Variants in PTPN3 observed in about 807,000 individuals in gnomAD.
PTPN3 encodes protein tyrosine phosphatase non-receptor type 3, also known as tyrosine-protein phosphatase non-receptor type 3.
A neutral mutation model predicts 132.7 loss-of-function variants in PTPN3; 96 were observed. That is an observed-to-expected ratio of 0.72 (90% CI 0.61 to 0.86). The LOEUF (loss-of-function observed/expected upper bound fraction) is 0.86. Ranked by LOEUF, PTPN3 falls within the 40% of genes least tolerant of loss-of-function variation. PTPN3 has a pLI of 0.00. For missense variants in PTPN3, 1,125 were observed against 1,159.6 expected (o/e 0.97, Z 0.43); for synonymous variants, 398 against 429.0 (o/e 0.93, Z 0.89).
intron 1 of PTPN3, among the ~76,000 whole-genome samples, chr9:109,465,145 C>G (rs1846033134): frequency 6.6e-6 from 1 of 152,108 alleles, no homozygotes; most frequent in African/African-American, 2.4e-5. Flanking sequence ...AAAATCTGAC[C>G]ATGATATTAG....
At chr9:109,468,536 T>C (rs370433603) in intron 1 of PTPN3, among the ~76,000 whole-genome samples, 98 of 152,020 alleles carry the variant, frequency 6.4e-4, no homozygotes, top group African/African-American at 2.1e-3. Context: ...CCGGCTAATT[T>C]TTTGTATTTT....
intron 4 of PTPN3, among the ~76,000 whole-genome samples, chr9:109,455,010 T>C (rs1451784451): frequency 6.6e-6 from 1 of 152,246 alleles, no homozygotes; most frequent in African/African-American, 2.4e-5. Context: ...TGGGCTACGC[T>C]GCTACTGGTA....
chr9:109,438,187 A>G lies in PTPN3; in HGVS notation c.514T>C (p.Ser172Pro). 2 of 1,613,300 alleles carry G rather than the reference A, an allele frequency of 1.2e-6. No homozygotes were observed. The highest frequency in any genetic ancestry group is 2.7e-5 in the African/African-American group (2 of 75,028). The stretch of plus-strand genomic sequence containing the variant: ...TGATCGGGTATAAAGTGACTATCGG[A>G]AAGATAGCCTGGATGATGTATGGAA... ...NSSIHHPGYLSDSHFIPDQNE... is the reference protein window; with the variant it reads ...NSSIHHPGYLPDSHFIPDQNE... Residue 172 changes from serine (S) to proline (P), a missense_variant, in exon 8 of 26, where the codon TCC becomes CCC. Physicochemically the swap from Ser to Pro is moderately conservative, Grantham distance 74 (BLOSUM62 -1). Coordinates refer to ENST00000374541, the MANE Select transcript of PTPN3 (RefSeq NM_002829.4).
chr9:109,387,608 G>A (rs1421646487), intron 22 of PTPN3, among the ~76,000 whole-genome samples: 1 of 152,082 alleles, frequency 6.6e-6, no homozygotes, highest in Non-Finnish European at 1.5e-5. Context: ...CCAAAAGACA[G>A]GCATTACCAC....
the PTPN3 span, among the ~76,000 whole-genome samples, chr9:109,504,489 C>T: frequency 1.1e-4 from 16 of 152,258 alleles, no homozygotes; most frequent in African/African-American, 3.9e-4. Context: ...TAGCAGCCCT[C>T]CGCTATAAGG....
the PTPN3 span, among the ~76,000 whole-genome samples, chr9:109,538,087 G>C: frequency 6.6e-6 from 1 of 152,314 alleles, no homozygotes; most frequent in East Asian, 1.9e-4. Flanking sequence ...TTAGAGCCCT[G>C]TTATAACATA....
intron 1 of PTPN3, among the ~76,000 whole-genome samples, chr9:109,488,633 T>A (rs1416580675): frequency 6.6e-6 from 1 of 152,154 alleles, no homozygotes; most frequent in Non-Finnish European, 1.5e-5. Flanking sequence ...TATCTTCACA[T>A]TTTCATCCTA....
chr9:109,480,476 C>T (rs920135947), intron 1 of PTPN3, among the ~76,000 whole-genome samples: 31 of 152,126 alleles, frequency 2.0e-4, no homozygotes, highest in African/African-American at 7.2e-4. Flanking sequence ...TTCTCTCATT[C>T]CATAGGTTGC....
chr9:109,524,217 C>T, the PTPN3 span, among the ~76,000 whole-genome samples: 2 of 152,032 alleles, frequency 1.3e-5, no homozygotes, highest in Admixed American at 1.3e-4. Context: ...GCACACCAGC[C>T]TGGGAAACAG....
intron 9 of PTPN3, among the ~76,000 whole-genome samples, chr9:109,436,418 A>C (rs761379537): frequency 6.6e-6 from 1 of 152,212 alleles, no homozygotes; most frequent in Non-Finnish European, 1.5e-5. Flanking sequence ...AAATCCTACT[A>C]AAGTAGCCAC....
the PTPN3 span, among the ~76,000 whole-genome samples, chr9:109,532,455 G>A: frequency 2.0e-5 from 3 of 151,680 alleles, no homozygotes; most frequent in African/African-American, 7.3e-5. Context: ...GCAGTTTGTT[G>A]ACTTTTTGAA....
At chr9:109,474,716 G>A (rs1564474894) in intron 1 of PTPN3, among the ~76,000 whole-genome samples, 1 of 152,168 alleles carries the variant, frequency 6.6e-6, no homozygotes, top group Non-Finnish European at 1.5e-5. Flanking sequence ...AAATCTCAGG[G>A]CGGATAAGAT....
At chr9:109,429,488 A>G (rs766086748) in intron 10 of PTPN3, among the ~76,000 whole-genome samples, 2 of 152,246 alleles carry the variant, frequency 1.3e-5, no homozygotes, top group African/African-American at 2.4e-5. Flanking sequence ...TAGGCCTGCA[A>G]TGCTTGTTCC....
intron 14 of PTPN3, among the ~76,000 whole-genome samples, chr9:109,416,864 C>T (rs146245064): frequency 3.9e-5 from 6 of 152,300 alleles, no homozygotes; most frequent in East Asian, 1.9e-4. Flanking sequence ...CCCATCCACT[C>T]GGAGGGTGTC....
chr9:109,440,957 C>T (rs1045910555), intron 7 of PTPN3, among the ~76,000 whole-genome samples: 3 of 152,154 alleles, frequency 2.0e-5, no homozygotes, highest in African/African-American at 7.2e-5. Context: ...GGCGGTTTCA[C>T]ATCGATTTCA....
At chr9:109,387,466 C>T (rs1023101044) in intron 22 of PTPN3, among the ~76,000 whole-genome samples, 4 of 152,206 alleles carry the variant, frequency 2.6e-5, no homozygotes, top group Non-Finnish European at 5.9e-5. Context: ...TTGCCCAGAG[C>T]AGCAAACCTA....
chr9:109,479,079 A>G (rs1846835323), intron 1 of PTPN3, among the ~76,000 whole-genome samples: 1 of 151,852 alleles, frequency 6.6e-6, no homozygotes, highest in African/African-American at 2.4e-5. Context: ...TTAAGTGTAC[A>G]ATTCAGTGGC....
In PTPN3 at chr9:109,377,171, C is replaced by A. The variant is rs1261539499; in HGVS notation, c.*2385G>T. The A allele has an allele frequency of 6.6e-6, 1 of 152,226 alleles. No individual in the cohort carries two copies. The highest frequency in any genetic ancestry group is 2.4e-5 in the African/African-American group (1 of 41,526). 9.4% of individuals were successfully genotyped at this position (152,226 alleles called of 1,614,324 possible). A position where few individuals can be genotyped will look rare whatever the true frequency, so the allele number is the denominator to read the frequency against. On this transcript the variant is annotated 3_prime_UTR_variant, in exon 26 of 26. Transcript: ENST00000374541. ...ATTTTTGCCAGCGTTCCCTCCATCC[C>A]CCTTTCTTGGAGCTTGCTGAATTTT...
rs2131562505 is a variant in PTPN3, at chr9:109,377,646, A to G, written c.*1910T>C. On this transcript the variant is annotated 3_prime_UTR_variant, in exon 26 of 26. Transcript: ENST00000374541. Reference sequence around the variant, plus strand: ...ATCCAGTGGATTCTATTTTTGACTGATGTGTTTTTGGGCTAATCACTGATA... The same window carrying G: ...ATCCAGTGGATTCTATTTTTGACTGGTGTGTTTTTGGGCTAATCACTGATA... 6.6e-6 allele frequency: 1 copy of G among 152,162 alleles called. No individual in the cohort carries two copies. The highest frequency in any genetic ancestry group is 1.9e-4 in the East Asian group (1 of 5,202). The allele number at this position is 152,162 out of a possible 1,614,324, so 9.4% of individuals were successfully genotyped here. A position where few individuals can be genotyped will look rare whatever the true frequency, so the allele number is the denominator to read the frequency against.
Sources: gnomAD v4.1 joint callset for allele counts (sites outside exome capture counted in the v4.1 genomes callset) on GRCh38, gnomAD v4.1.1 for gene constraint, MANE v1.5 for transcripts, NCBI Gene and HGNC (gene_info 2026-07-23, HGNC 2026-07-21) for gene names.